SOS1: variants seen among roughly 807,000 people sequenced by gnomAD.
The protein encoded by SOS1 is son of sevenless homolog 1.
A neutral mutation model predicts 157.6 loss-of-function variants in SOS1; 25 were observed. The observed-to-expected ratio is 0.16, with a 90% CI of 0.12 to 0.22. The LOEUF (loss-of-function observed/expected upper bound fraction) is 0.22. Among genes scored for constraint, SOS1 ranks in the 10% least tolerant of loss-of-function variants. The probability of loss-of-function intolerance (pLI) is 1.00; values close to 1 mark genes in which losing one functional copy is unlikely to be tolerated. For synonymous variants in SOS1, 528 were observed against 534.0 expected, an observed-to-expected ratio of 0.99 and a Z score of 0.16; for missense variants, 1,237 against 1,599.1, an observed-to-expected ratio of 0.77 and a Z score of 3.86.
intron 8 of SOS1, among the ~76,000 whole-genome samples, chr2:39,032,478 G>T (rs1670196930): frequency 6.6e-6 from 1 of 152,094 alleles, no homozygotes; most frequent in African/African-American, 2.4e-5. Flanking sequence ...GAATTTAAAG[G>T]AAAATGTATA....
At chr2:39,102,986 A>G (rs914141467) in intron 1 of SOS1, among the ~76,000 whole-genome samples, 9 of 152,140 alleles carry the variant, frequency 5.9e-5, no homozygotes, top group Non-Finnish European at 1.0e-4. Context: ...AAAAAATTTA[A>G]GTAGTTGTGT....
intron 10 of SOS1, among the ~76,000 whole-genome samples, chr2:39,015,997 A>C (rs1341621817): frequency 6.6e-6 from 1 of 151,878 alleles, no homozygotes; most frequent in East Asian, 1.9e-4. Flanking sequence ...AATGTCTTTT[A>C]TTAGCATAGG....
chr2:39,073,701 C>T (rs763802224), intron 1 of SOS1, among the ~76,000 whole-genome samples: 4 of 152,264 alleles, frequency 2.6e-5, no homozygotes, highest in African/African-American at 9.6e-5. Context: ...AGGTGTATAT[C>T]GATTCCTAGT....
intron 15 of SOS1, among the ~76,000 whole-genome samples, chr2:39,009,744 AAAG>A (rs1029407565): frequency 1.3e-5 from 2 of 152,192 alleles, no homozygotes; most frequent in African/African-American, 4.8e-5. Context: ...ACCACAAAAA[AAAG>A]GGAGAAAGGG....
At chr2:39,013,726 C>T (rs1669538586) in intron 12 of SOS1, 141 bp downstream of exon 12, 1 of 885,936 alleles carries the variant, frequency 1.1e-6, no homozygotes, top group African/African-American at 1.7e-5. Flanking sequence ...ACTATAATTT[C>T]TGATAACTGC....
chr2:39,043,506 G>C (rs1670647433), intron 6 of SOS1, among the ~76,000 whole-genome samples: 1 of 152,140 alleles, frequency 6.6e-6, no homozygotes. Flanking sequence ...ACTGTTTCCT[G>C]AAGATTGGCA....
At chr2:38,999,121 A>AT (rs1437765962) in intron 17 of SOS1, among the ~76,000 whole-genome samples, 4 of 152,232 alleles carry the variant, frequency 2.6e-5, no homozygotes, top group Non-Finnish European at 5.9e-5. Flanking sequence ...AATGCTTAGA[A>AT]TAAGTCCCAA....
intron 6 of SOS1, among the ~76,000 whole-genome samples, chr2:39,045,250 GAGAGA>G (rs1558486070): frequency 5.4e-5 from 6 of 111,492 alleles, no homozygotes; most frequent in African/African-American, 2.1e-4. Flanking sequence ...GAGGGAGAGA[GAGAGA>G]GAGAGAGAGA....
In SOS1 at chr2:39,104,428, C is replaced by A. The variant is rs568949374; in HGVS notation, c.87+15908G>T. Among the ~76,000 whole-genome samples the A allele has an allele frequency of 1.9e-4, 29 of 152,226 alleles. No individual in the cohort carries two copies. In the East Asian group the frequency reaches 5.0e-3, roughly 26 times the overall value. On this transcript the variant is annotated intron_variant, in intron 1 of 22. Transcript: ENST00000402219. ...GAAATACAAACCAAAAGGACACCAACTAAGATGGGATAAGAAAAGAAAGAA... is the reference window on the plus strand; with the variant it reads ...GAAATACAAACCAAAAGGACACCAAATAAGATGGGATAAGAAAAGAAAGAA...
intron 14 of SOS1, among the ~76,000 whole-genome samples, chr2:39,011,101 T>C (rs1669453261): frequency 6.6e-6 from 1 of 152,158 alleles, no homozygotes; most frequent in Non-Finnish European, 1.5e-5. Context: ...TTCACCATGT[T>C]GGCCAGGCTG....
chr2:39,015,686 G>C (rs1669609473), intron 10 of SOS1, among the ~76,000 whole-genome samples: 2 of 151,854 alleles, frequency 1.3e-5, no homozygotes, highest in South Asian at 2.1e-4. Context: ...CAGCACAAGA[G>C]ACTTGGGCTG....
At chr2:39,026,418 C>T (rs183986894) in intron 8 of SOS1, among the ~76,000 whole-genome samples, 5 of 149,418 alleles carry the variant, frequency 3.3e-5, no homozygotes, top group South Asian at 2.1e-4. Flanking sequence ...AAAAGGGTAA[C>T]GAAAGATATT....
chr2:39,106,389 G>C (rs1673184073), intron 1 of SOS1, among the ~76,000 whole-genome samples: 1 of 151,746 alleles, frequency 6.6e-6, no homozygotes. Context: ...AGGAGATCGA[G>C]ACCATCCCGG....
upstream of SOS1, chr2:39,121,122 CGAGA>C (rs910728422): frequency 1.7e-4 from 26 of 153,704 alleles, 1 homozygote; most frequent in Admixed American, 2.0e-4. Flanking sequence ...GAGGAAAGCT[CGAGA>C]GAGAAAGAGA....
chr2:39,118,797 T>TA (rs1673756267), intron 1 of SOS1, among the ~76,000 whole-genome samples: 1 of 152,198 alleles, frequency 6.6e-6, no homozygotes. Context: ...AAAACAACAC[T>TA]ATGCCAGCCA....
chr2:39,068,696 T>A (rs1175822786), intron 1 of SOS1, among the ~76,000 whole-genome samples: 1 of 152,042 alleles, frequency 6.6e-6, no homozygotes, highest in African/African-American at 2.4e-5. Flanking sequence ...TTCTTTAATT[T>A]TTTTTTTTTT....
intron 10 of SOS1, among the ~76,000 whole-genome samples, chr2:39,015,582 C>G (rs1178835235): frequency 6.6e-6 from 1 of 151,776 alleles, no homozygotes; most frequent in East Asian, 1.9e-4. Context: ...TGAAGTAAAA[C>G]AAGAGGCTGA....
chr2:39,038,102 G>A (rs1670420059), intron 6 of SOS1, among the ~76,000 whole-genome samples: 1 of 152,116 alleles, frequency 6.6e-6, no homozygotes, highest in South Asian at 2.1e-4. Context: ...GTTCTGTAAG[G>A]CTGTAACTGA....
chr2:39,106,590 C>CAAAAAAAAAAAAA (rs775720230), intron 1 of SOS1, among the ~76,000 whole-genome samples: 1 of 31,356 alleles, frequency 3.2e-5, no homozygotes, highest in African/African-American at 8.8e-5. Flanking sequence ...GACTCCGTCT[C>CAAAAAAAAAAAAA]AAAAAAAAAA....
Sources: gnomAD v4.1 joint callset for allele counts (sites outside exome capture counted in the v4.1 genomes callset) on GRCh38, gnomAD v4.1.1 for gene constraint, MANE v1.5 for transcripts, NCBI Gene and HGNC (gene_info 2026-07-23, HGNC 2026-07-21) for gene names.